The following TRANK1 variants were observed in gnomAD, a reference collection of about 807,000 sequenced individuals.
The protein encoded by TRANK1 is tetratricopeptide repeat and ankyrin repeat containing 1.
Under a neutral mutation model 266.0 loss-of-function variants are expected in TRANK1, and 198 were observed. The observed-to-expected ratio is 0.74, with a 90% confidence interval of 0.66 to 0.84. The LOEUF (loss-of-function observed/expected upper bound fraction) is 0.84, where lower values mean the gene tolerates loss of function less well. TRANK1 is among the 40% of genes least tolerant of loss of function. The pLI is 0.00. For missense variants in TRANK1, 3,326 were observed against 3,634.6 expected, an observed-to-expected ratio of 0.92 and a Z score of 2.18; for synonymous variants, 1,396 against 1,384.1, an observed-to-expected ratio of 1.01 and a Z score of -0.19.
chr3:36,866,267 A>G (rs1291445502), intron 9 of TRANK1, among the ~76,000 whole-genome samples: 3 of 152,246 alleles, frequency 2.0e-5, no homozygotes, highest in African/African-American at 7.2e-5. Context: ...GGCCCAGAGT[A>G]GCACTATCAT....
rs1177869063 is a variant in TRANK1 at position 36,855,215 on chromosome 3, T to C, written c.4507A>G (p.Lys1503Glu). The C allele has an allele frequency of 1.1e-5, 17 of 1,613,690 alleles. No homozygotes were observed. Among genetic ancestry groups the C allele is most frequent in the Non-Finnish European group, 1.4e-5 (17 of 1,179,712 alleles). Residue 1503 changes from lysine (K) to glutamate (E), a missense_variant, in exon 13 of 24, where the codon AAG becomes GAG. Transcript: ENST00000645898. ...IDKQCAVRKP[K>E]KIHQLYQNYR... Reference sequence around the variant, plus strand: ...TTCTGGTACAGCTGGTGGATCTTCTTGGGCTTCCGGACAGCACACTGCTTG... The same window carrying C: ...TTCTGGTACAGCTGGTGGATCTTCTCGGGCTTCCGGACAGCACACTGCTTG...
At chr3:36,860,629 A>C (rs1372159002) in intron 11 of TRANK1, among the ~76,000 whole-genome samples, 1 of 149,754 alleles carries the variant, frequency 6.7e-6, no homozygotes, top group African/African-American at 2.5e-5. Context: ...CCCTTCACAC[A>C]CCTGATGTTT....
Position 36,857,336 on chromosome 3 carries a change from C to T in TRANK1, c.2386G>A (p.Gly796Arg), listed in dbSNP as rs750673111. 3 of 1,608,034 alleles carry T rather than the reference C, an allele frequency of 1.9e-6. No homozygotes were observed. Among genetic ancestry groups the T allele is most frequent in the Admixed American group, 3.4e-5 (2 of 59,520 alleles). The change falls in exon 13 of 24, where the codon GGG becomes AGG. Residue 796 changes from glycine (G) to arginine (R), a missense_variant. Gly to Arg is a moderately radical substitution (Grantham distance 125). Coordinates refer to ENST00000645898, the MANE Select transcript of TRANK1 (RefSeq NM_001329998.2). This position sits in a 1 kb window ranked among gnomAD's most constrained non-coding sequence, Gnocchi z 4.3. ...TCATCAGGCACAAGCTGCAAGGCCCCAAGGCCCACCTGAGCATGTCCTTCC... is the reference window on the plus strand; with the variant it reads ...TCATCAGGCACAAGCTGCAAGGCCCTAAGGCCCACCTGAGCATGTCCTTCC... The part of the protein sequence containing the change: ...VGEGHAQVGL[G>R]ALQLVPDDNR...
chr3:36,864,603 C>A, intron 9 of TRANK1, 123 bp from the exon 10 acceptor site: 1 of 886,412 alleles, frequency 1.1e-6, no homozygotes, highest in East Asian at 3.0e-5. Context: ...ACTTGCTGCT[C>A]CTCTCATCAA....
At position 36,832,940 on chromosome 3, in the gene TRANK1, G is replaced by A. The variant is rs760310945; in HGVS notation, c.6643C>T (p.Arg2215Cys). 8.1e-6 allele frequency: 13 copies of A among 1,612,380 alleles called. No individual in the cohort carries two copies. The highest frequency in any genetic ancestry group is 9.3e-6 in the Non-Finnish European group (11 of 1,179,130). ...TGAACTAAACACTTGGCTTCACAAC[G>A]CCGCAGAGGCCTGTGAAAATGTTCA... ...NCEHFHRPLR[R>C]CEAKCLVQSK... The change falls in exon 22 of 24, where the codon CGT becomes TGT. Residue 2215 changes from arginine to cysteine, a missense_variant. Physicochemically the swap from Arg to Cys is radical, Grantham distance 180. Coordinates refer to ENST00000645898, the MANE Select transcript of TRANK1 (RefSeq NM_001329998.2).
intron 9 of TRANK1, among the ~76,000 whole-genome samples, chr3:36,873,008 G>A (rs2079332240): frequency 6.6e-6 from 1 of 152,204 alleles, no homozygotes; most frequent in Admixed American, 6.5e-5. Flanking sequence ...TTTATACATT[G>A]TGAGGAACAA....
intron 1 of TRANK1, among the ~76,000 whole-genome samples, chr3:36,910,424 G>T (rs1355387394): frequency 6.6e-6 from 1 of 152,116 alleles, no homozygotes; most frequent in Non-Finnish European, 1.5e-5. Context: ...CCGTATGTTA[G>T]AACAACACAC....
chr3:36,926,184 A>G (rs1365536818), intron 1 of TRANK1, among the ~76,000 whole-genome samples: 3 of 151,922 alleles, frequency 2.0e-5, no homozygotes, highest in Non-Finnish European at 4.4e-5. Context: ...TGTCTTCCTG[A>G]GTTTCCTGTA....
At chr3:36,879,085 T>G (rs1358326761) in intron 8 of TRANK1, among the ~76,000 whole-genome samples, 5 of 152,082 alleles carry the variant, frequency 3.3e-5, no homozygotes, top group African/African-American at 1.2e-4. Flanking sequence ...GATTTATCTC[T>G]TACATTGCTC....
chr3:36,855,321 G>T lies in TRANK1; in HGVS notation c.4401C>A (p.Ala1467=). Residue 1467 remains alanine (A), a synonymous_variant, in exon 13 of 24, where the codon GCC becomes GCA. Transcript: ENST00000645898. The part of the protein sequence containing the change: ...PNSMFLTGDT[A]QSIMKGVAFR... Reference sequence around the variant, plus strand: ...AGGCCACGCCCTTCATGATGCTCTGGGCCGTGTCCCCCGTGAGGAACATAG... The same window carrying T: ...AGGCCACGCCCTTCATGATGCTCTGTGCCGTGTCCCCCGTGAGGAACATAG... The T allele has an allele frequency of 6.2e-7, 1 of 1,614,020 alleles. No individual in the cohort carries two copies. The highest frequency in any genetic ancestry group is 8.5e-7 in the Non-Finnish European group (1 of 1,179,894).
intron 1 of TRANK1, among the ~76,000 whole-genome samples, chr3:36,943,885 T>C (rs544168473): frequency 1.3e-5 from 2 of 152,140 alleles, no homozygotes; most frequent in Non-Finnish European, 2.9e-5. Context: ...TCTTAAATTT[T>C]TTTTTCTTTT....
intron 6 of TRANK1, 49 bp downstream of exon 6, chr3:36,892,852 C>CATATATATATATATATAG: frequency 1.7e-6 from 1 of 580,930 alleles, no homozygotes; most frequent in South Asian, 6.4e-5. Context: ...CAAAACAAAA[C>CATATATATATATATATAG]ATATATATAT....
rs375427700 is a variant in TRANK1, at chr3:36,900,213, G to A, written c.283-954C>T. ...CATACTTCAAGTCACAGCTTGGGCC[G>A]GAACAAAAGAATGAAAATAATCCTT... is the stretch of plus-strand genomic sequence containing the variant. On this transcript the variant is annotated intron_variant, in intron 3 of 23. Coordinates refer to ENST00000645898, the MANE Select transcript of TRANK1 (RefSeq NM_001329998.2). Among the ~76,000 whole-genome samples the A allele has an allele frequency of 5.1e-4, 78 of 152,170 alleles. No homozygotes were observed. In the South Asian group the frequency reaches 0.012, roughly 24 times the overall value.
intron 8 of TRANK1, among the ~76,000 whole-genome samples, chr3:36,878,762 T>A: frequency 7.3e-6 from 1 of 137,244 alleles, no homozygotes; most frequent in Admixed American, 7.6e-5. Flanking sequence ...CCCCCGAACC[T>A]AAAATGAAAG....
chr3:36,858,963 T>A, intron 11 of TRANK1, 69 bp from the exon 12 acceptor site: 2 of 1,417,878 alleles, frequency 1.4e-6, no homozygotes, highest in South Asian at 1.5e-5. Context: ...AGAGAAGGAA[T>A]GCTTCAGTTA....
intron 17 of TRANK1, 56 bp downstream of exon 17, chr3:36,846,192 C>T: frequency 4.1e-6 from 6 of 1,466,402 alleles, no homozygotes; most frequent in Non-Finnish European, 5.5e-6. Flanking sequence ...ACCATAAGAA[C>T]AGTTGAGAGA....
At chr3:36,871,535 A>T (rs115527113) in intron 9 of TRANK1, among the ~76,000 whole-genome samples, 2 of 152,224 alleles carry the variant, frequency 1.3e-5, no homozygotes, top group African/African-American at 4.8e-5. Context: ...TGAAACTGAG[A>T]TGATATGCAC....
At position 36,944,702 on chromosome 3, in the gene TRANK1, C is replaced by A; in HGVS notation, c.23+85G>T. 2.7e-6 allele frequency: 4 copies of A among 1,463,578 alleles called. No individual in the cohort carries two copies. In the South Asian group the frequency reaches 3.8e-5, roughly 14 times the overall value. The allele number at this position is 1,463,578 out of a possible 1,614,324, so 90.7% of individuals were successfully genotyped here. On this transcript the variant is annotated intron_variant, in intron 1 of 23. Coordinates refer to ENST00000645898, the MANE Select transcript of TRANK1 (RefSeq NM_001329998.2). ...CGGCCGCTACCTCAGGGTCGCCAGT[C>A]CCCGCGCGCGGCCGCCTCCCGCCAG...
chr3:36,828,514 T>TC, intron 23 of TRANK1, 139 bp from the exon 24 acceptor site: 1 of 641,892 alleles, frequency 1.6e-6, no homozygotes, highest in South Asian at 1.9e-5. Flanking sequence ...TGATTTTTTT[T>TC]CCCAATCCAC....
Sources: gnomAD v4.1 joint callset for allele counts (sites outside exome capture counted in the v4.1 genomes callset) on GRCh38, gnomAD v4.1.1 for gene constraint, Gnocchi (gnomAD v3.1) non-coding constraint, MANE v1.5 for transcripts, NCBI Gene and HGNC (gene_info 2026-07-23, HGNC 2026-07-21) for gene names.